GALNT7: variants seen among roughly 807,000 people sequenced by gnomAD.
GALNT7 encodes N-acetylgalactosaminyltransferase 7.
A neutral mutation model predicts 82.1 loss-of-function variants in GALNT7; 60 were observed. The ratio of observed to expected loss-of-function variants is 0.73; its 90% CI spans 0.59 to 0.91. The LOEUF is 0.91. Among genes scored for constraint, GALNT7 ranks in the 40% least tolerant of loss-of-function variants. The pLI is 0.00. For synonymous variants in GALNT7, 243 were observed against 275.1 expected (o/e 0.88, Z 1.15); for missense variants, 660 against 804.2 (o/e 0.82, Z 2.17).
At chr4:173,304,929 G>A (rs1356925232) in intron 8 of GALNT7, among the ~76,000 whole-genome samples, 1 of 151,970 alleles carries the variant, frequency 6.6e-6, no homozygotes, top group African/African-American at 2.4e-5. Context: ...TCTGTTGATG[G>A]ACACTTAGCT....
At chr4:173,298,577 A>G (rs1736807030) in intron 6 of GALNT7, among the ~76,000 whole-genome samples, 1 of 152,238 alleles carries the variant, frequency 6.6e-6, no homozygotes, top group African/African-American at 2.4e-5. Context: ...AAGTGAAAAA[A>G]AGATAAAATC....
At chr4:173,313,376 C>G (rs1489550589) in intron 8 of GALNT7, among the ~76,000 whole-genome samples, 1 of 150,160 alleles carries the variant, frequency 6.7e-6, no homozygotes, top group Non-Finnish European at 1.5e-5. Flanking sequence ...TGAGACCAGC[C>G]TGGGCAACAG....
intron 2 of GALNT7, among the ~76,000 whole-genome samples, chr4:173,287,916 A>G (rs190034781): frequency 2.1e-4 from 32 of 152,312 alleles, no homozygotes; most frequent in Middle Eastern, 3.4e-3. Flanking sequence ...AATGGGACCA[A>G]TTGACTTCCA....
intron 9 of GALNT7, chr4:173,317,167 A>C (rs1737635575): frequency 6.6e-6 from 1 of 152,534 alleles, no homozygotes; most frequent in African/African-American, 2.4e-5. Flanking sequence ...CTGCCTGGTC[A>C]TGTGCCATGC....
At chr4:173,258,427 A>G (rs553424513) in intron 2 of GALNT7, among the ~76,000 whole-genome samples, 2 of 152,336 alleles carry the variant, frequency 1.3e-5, no homozygotes, top group South Asian at 4.1e-4. Context: ...GATCACTTCA[A>G]ATGAGGTCTA....
At chr4:173,311,351 T>C (rs1389639271) in intron 8 of GALNT7, among the ~76,000 whole-genome samples, 1 of 152,228 alleles carries the variant, frequency 6.6e-6, no homozygotes, top group Non-Finnish European at 1.5e-5. Context: ...TCAGAATGTT[T>C]AGTGGTATAT....
chr4:173,275,520 C>A (rs188002825), intron 2 of GALNT7, among the ~76,000 whole-genome samples: 2 of 152,242 alleles, frequency 1.3e-5, no homozygotes, highest in Middle Eastern at 6.8e-3. Flanking sequence ...TCAGAGAAGG[C>A]CACAAGTGGT....
At chr4:173,240,471 A>C (rs1190880676) in intron 1 of GALNT7, among the ~76,000 whole-genome samples, 1 of 148,590 alleles carries the variant, frequency 6.7e-6, no homozygotes, top group African/African-American at 2.5e-5. Context: ...CGAGTTCAAG[A>C]GGTTCTCCTG....
intron 1 of GALNT7, among the ~76,000 whole-genome samples, chr4:173,207,366 A>T (rs1325303410): frequency 6.6e-6 from 1 of 152,222 alleles, no homozygotes; most frequent in African/African-American, 2.4e-5. Context: ...AATTTAGTAT[A>T]TATTATTCCA....
intron 1 of GALNT7, among the ~76,000 whole-genome samples, chr4:173,175,365 A>G (rs1247869095): frequency 6.6e-6 from 1 of 152,264 alleles, no homozygotes; most frequent in African/African-American, 2.4e-5. Flanking sequence ...CCAACTTTAT[A>G]GATGAGACTG....
At chr4:173,231,739 A>G (rs140439927) in intron 1 of GALNT7, among the ~76,000 whole-genome samples, 2,322 of 152,258 alleles carry the variant, frequency 0.015, 34 homozygotes, top group African/African-American at 0.03. Context: ...AAATATATGG[A>G]GGCCAGGAAA....
chr4:173,274,840 C>T (rs961279269), intron 2 of GALNT7, among the ~76,000 whole-genome samples: 4 of 152,086 alleles, frequency 2.6e-5, no homozygotes, highest in African/African-American at 7.2e-5. Flanking sequence ...GGGAGTCAGC[C>T]GGGGATGTTG....
At chr4:173,178,144 T>G (rs1297221186) in intron 1 of GALNT7, among the ~76,000 whole-genome samples, 10 of 152,018 alleles carry the variant, frequency 6.6e-5, no homozygotes, top group African/African-American at 2.4e-5. Flanking sequence ...GCAACACATA[T>G]TAGTCTTTTT....
At chr4:173,271,451 T>G (rs978273514) in intron 2 of GALNT7, among the ~76,000 whole-genome samples, 5 of 151,974 alleles carry the variant, frequency 3.3e-5, no homozygotes, top group Admixed American at 2.0e-4. Flanking sequence ...GTTTGTTTGT[T>G]TATTTATTTA....
At chr4:173,207,547 A>G (rs775555353) in intron 1 of GALNT7, among the ~76,000 whole-genome samples, 2 of 152,186 alleles carry the variant, frequency 1.3e-5, no homozygotes, top group Non-Finnish European at 2.9e-5. Flanking sequence ...CTAATCCTCT[A>G]TTAAGGTTGT....
At chr4:173,282,425 G>A (rs1736147291) in intron 2 of GALNT7, 1 of 152,184 alleles carries the variant, frequency 6.6e-6, no homozygotes, top group African/African-American at 2.4e-5. Context: ...AGATTGTTTT[G>A]TTTTTGCCCA....
intron 2 of GALNT7, among the ~76,000 whole-genome samples, chr4:173,272,991 C>T (rs899544692): frequency 1.7e-4 from 26 of 152,128 alleles, no homozygotes; most frequent in African/African-American, 4.6e-4. Context: ...AATATTACAA[C>T]CTGTCTTGCA....
intron 2 of GALNT7, among the ~76,000 whole-genome samples, chr4:173,255,436 T>A (rs1735003189): frequency 6.6e-6 from 1 of 152,200 alleles, no homozygotes; most frequent in South Asian, 2.1e-4. Context: ...GTATGCCTGA[T>A]AAAAAGTTAT....
At chr4:173,289,582 G>C (rs1438805417) in intron 2 of GALNT7, among the ~76,000 whole-genome samples, 1 of 152,230 alleles carries the variant, frequency 6.6e-6, no homozygotes, top group Non-Finnish European at 1.5e-5. Context: ...TTATGCAGCT[G>C]TGGGTATGCC....
Sources: allele counts gnomAD v4.1 joint callset (sites outside exome capture counted in the v4.1 genomes callset), GRCh38; gene constraint gnomAD v4.1.1; transcripts MANE v1.5; gene names NCBI Gene and HGNC (gene_info 2026-07-23, HGNC 2026-07-21).